The following EPHB1 variants were observed in gnomAD, a reference collection of about 807,000 sequenced individuals.
EPHB1 encodes the protein ephrin type-B receptor 1.
In EPHB1, 30 loss-of-function variants were observed where a neutral mutation model predicts 94.4. The observed-to-expected ratio is 0.32, with a 90% CI of 0.24 to 0.43. EPHB1 has a LOEUF of 0.43. Ranked by LOEUF, EPHB1 falls within the 20% of genes least tolerant of loss-of-function variation. The pLI, the probability that EPHB1 is intolerant of heterozygous loss-of-function variation, is 1.00. For synonymous variants in EPHB1, 522 were observed against 489.1 expected (o/e 1.07, Z -0.89); for missense variants, 1,055 against 1,308.3 (o/e 0.81, Z 2.99).
At chr3:134,908,624 C>G (rs2038386890) in intron 1 of EPHB1, among the ~76,000 whole-genome samples, 2 of 152,162 alleles carry the variant, frequency 1.3e-5, no homozygotes, top group Admixed American at 1.3e-4. Context: ...CTGGCCAGAG[C>G]TGCAAACACT....
At chr3:135,255,458 CT>C (rs1421397574) in intron 15 of EPHB1, among the ~76,000 whole-genome samples, 1 of 142,232 alleles carries the variant, frequency 7.0e-6, no homozygotes, top group African/African-American at 2.6e-5. Flanking sequence ...TTATTTCTGC[CT>C]ACATTTCGTT....
At chr3:135,228,317 G>A (rs529266856) in intron 12 of EPHB1, among the ~76,000 whole-genome samples, 37 of 152,034 alleles carry the variant, frequency 2.4e-4, no homozygotes, top group Middle Eastern at 3.4e-3. Context: ...GCTTAGATTC[G>A]GGTTATTTAT....
At chr3:134,873,382 A>G (rs74886949) in intron 1 of EPHB1, among the ~76,000 whole-genome samples, 2,206 of 152,308 alleles carry the variant, frequency 0.014, 53 homozygotes, top group African/African-American at 0.05. Context: ...AAACTCTTCT[A>G]GTGTGTATCT....
intron 1 of EPHB1, among the ~76,000 whole-genome samples, chr3:134,859,702 A>G (rs2037205305): frequency 1.3e-5 from 2 of 152,326 alleles, no homozygotes; most frequent in Non-Finnish European, 2.9e-5. Context: ...CCCAAGAGCA[A>G]TCATTCATCC....
chr3:135,113,894 G>A (rs571062356), intron 4 of EPHB1, among the ~76,000 whole-genome samples: 58 of 152,294 alleles, frequency 3.8e-4, no homozygotes, highest in African/African-American at 1.4e-3. Context: ...TATCGATAAG[G>A]CTCTTAAAAT....
At position 135,259,305 on chromosome 3, in the gene EPHB1, GT is replaced by G. The variant is rs1933549768; in HGVS notation, c.*188del. 3 of 477,278 alleles carry G rather than the reference GT, an allele frequency of 6.3e-6. No homozygotes were observed. In the East Asian group the frequency reaches 1.0e-4, roughly 16 times the overall value. The allele number at this position is 477,278 out of a possible 1,614,324, so 29.6% of individuals were successfully genotyped here. On this transcript the variant is annotated 3_prime_UTR_variant, in exon 16 of 16. Transcript: ENST00000398015. ...CTCCATTTCTCAGTGACAGAAGCAT[GT>G]TTGAGATGCCGTGGGAAACCAAATA...
intron 3 of EPHB1, among the ~76,000 whole-genome samples, chr3:134,977,263 T>C (rs558234730): frequency 2.0e-5 from 3 of 152,320 alleles, no homozygotes; most frequent in South Asian, 4.1e-4. Context: ...GGAAAATCTC[T>C]AGCTCCAGGC....
chr3:135,175,478 T>A (rs1050607139), intron 9 of EPHB1, among the ~76,000 whole-genome samples: 4 of 152,204 alleles, frequency 2.6e-5, no homozygotes, highest in Non-Finnish European at 5.9e-5. Flanking sequence ...ATAAGTGAAC[T>A]TTGAGGTCAA....
At chr3:135,205,434 G>A (rs1485086368) in intron 12 of EPHB1, among the ~76,000 whole-genome samples, 1 of 152,098 alleles carries the variant, frequency 6.6e-6, no homozygotes, top group Non-Finnish European at 1.5e-5. Context: ...GGCTTATAAA[G>A]TGGTTAACAT....
chr3:134,856,078 C>T (rs982543876), intron 1 of EPHB1, among the ~76,000 whole-genome samples: 2 of 152,134 alleles, frequency 1.3e-5, no homozygotes, highest in African/African-American at 4.8e-5. Flanking sequence ...TAAGGAAGCC[C>T]TTCTGGTTCC....
intron 1 of EPHB1, among the ~76,000 whole-genome samples, chr3:134,893,002 A>G (rs2038016688): frequency 6.6e-6 from 1 of 152,200 alleles, no homozygotes; most frequent in African/African-American, 2.4e-5. Flanking sequence ...ATGCTCACAC[A>G]CACGGTATCA....
intron 3 of EPHB1, among the ~76,000 whole-genome samples, chr3:134,955,105 A>ATT (rs1174011769): frequency 4.1e-5 from 1 of 24,132 alleles, no homozygotes; most frequent in African/African-American, 2.2e-4. Flanking sequence ...TTTTTTTTTA[A>ATT]TTTTTTTTTT....
chr3:134,813,552 C>G (rs1337005421), intron 1 of EPHB1, among the ~76,000 whole-genome samples: 2 of 152,304 alleles, frequency 1.3e-5, no homozygotes, highest in Middle Eastern at 3.4e-3. Context: ...GCCCTGGACT[C>G]TCAGGACTGG....
chr3:135,218,154 A>G (rs994856679), intron 12 of EPHB1, among the ~76,000 whole-genome samples: 2 of 152,144 alleles, frequency 1.3e-5, no homozygotes, highest in African/African-American at 4.8e-5. Flanking sequence ...AGACAAGCAA[A>G]GACAAGACAG....
chr3:134,795,753 C>G, intron 1 of EPHB1, 64 bp downstream of exon 1: 2 of 1,547,936 alleles, frequency 1.3e-6, no homozygotes, highest in Non-Finnish European at 1.8e-6. Flanking sequence ...TGCTGTGCTC[C>G]GCGGTTCGCG....
At chr3:134,848,764 G>A (rs901146730) in intron 1 of EPHB1, among the ~76,000 whole-genome samples, 11 of 152,204 alleles carry the variant, frequency 7.2e-5, no homozygotes, top group African/African-American at 2.7e-4. Flanking sequence ...GGATCCGGTA[G>A]GGGGAGGGTT....
At chr3:135,138,870 G>C (rs1430114492) in intron 5 of EPHB1, among the ~76,000 whole-genome samples, 1 of 152,154 alleles carries the variant, frequency 6.6e-6, no homozygotes, top group African/African-American at 2.4e-5. Context: ...ACTTCCAAGT[G>C]GCCTCAGAAA....
chr3:134,942,081 G>T (rs914618501), intron 2 of EPHB1, among the ~76,000 whole-genome samples: 1 of 152,216 alleles, frequency 6.6e-6, no homozygotes, highest in Admixed American at 6.5e-5. Context: ...TCTGTTGGTT[G>T]TGCAAGGTTG....
At chr3:135,233,413 T>C (rs999015457) in intron 12 of EPHB1, among the ~76,000 whole-genome samples, 41 of 152,240 alleles carry the variant, frequency 2.7e-4, no homozygotes, top group African/African-American at 9.4e-4. Context: ...ATCCAGGTCA[T>C]GCTGATACAA....
Sources: allele counts gnomAD v4.1 joint callset (sites outside exome capture counted in the v4.1 genomes callset), GRCh38; gene constraint gnomAD v4.1.1; transcripts MANE v1.5; gene names NCBI Gene and HGNC (gene_info 2026-07-23, HGNC 2026-07-21).